GOT2: variants seen among roughly 807,000 people sequenced by gnomAD.
The protein encoded by GOT2 is aspartate aminotransferase, mitochondrial.
Under a neutral mutation model 50.0 loss-of-function variants are expected in GOT2, and 17 were observed. The observed-to-expected ratio is 0.34, with a 90% CI of 0.23 to 0.51. GOT2 has a LOEUF of 0.51. Among genes scored for constraint, GOT2 ranks in the 20% least tolerant of loss-of-function variants. The pLI, the probability that GOT2 is intolerant of heterozygous loss-of-function variation, is 0.97. For synonymous variants in GOT2, 172 were observed against 204.9 expected (o/e 0.84, Z 1.37); for missense variants, 430 against 559.6 (o/e 0.77, Z 2.34).
chr16:58,716,584 AC>A, intron 7 of GOT2, 78 bp downstream of exon 7: 11 of 1,204,292 alleles, frequency 9.1e-6, no homozygotes, highest in African/African-American at 6.2e-5. Context: ...ACACACACAC[AC>A]ACACCCACAA....
intron 8 of GOT2, among the ~76,000 whole-genome samples, chr16:58,712,203 TTC>T (rs2044654583): frequency 6.6e-6 from 1 of 152,152 alleles, no homozygotes; most frequent in African/African-American, 2.4e-5. Flanking sequence ...ATTTATTCCA[TTC>T]TGTCTTATAT....
intron 8 of GOT2, among the ~76,000 whole-genome samples, chr16:58,715,415 G>A (rs2044683915): frequency 6.6e-6 from 1 of 152,130 alleles, no homozygotes; most frequent in South Asian, 2.1e-4. Flanking sequence ...GGTTCAAAGT[G>A]CTAACAAATA....
intron 1 of GOT2, among the ~76,000 whole-genome samples, chr16:58,726,572 G>A (rs1206969645): frequency 1.3e-5 from 2 of 151,412 alleles, no homozygotes; most frequent in Non-Finnish European, 2.9e-5. Context: ...GTGGCTCACT[G>A]CAACCTGTCT....
intron 3 of GOT2, 94 bp downstream of exon 3, chr16:58,722,056 A>T: frequency 7.2e-7 from 1 of 1,386,278 alleles, no homozygotes; most frequent in Non-Finnish European, 1.0e-6. Flanking sequence ...GTGGGATTAC[A>T]GGCGTGAGCC....
In GOT2 at chr16:58,708,010, T is replaced by A; in HGVS notation, c.*161A>T. On this transcript the variant is annotated 3_prime_UTR_variant, in exon 10 of 10. Transcript: ENST00000245206. ...GATGCCTCTGCCCTGTGTCACTACA[T>A]GTTCTTTTCTGAGAAACATTCAAAT... 1.5e-6 allele frequency: 1 copy of A among 646,650 alleles called. No homozygotes were observed. The highest frequency in any genetic ancestry group is 2.5e-6 in the Non-Finnish European group (1 of 398,498). The allele number at this position is 646,650 out of a possible 1,614,324, so 40.1% of individuals were successfully genotyped here.
chr16:58,714,260 T>C (rs776571105), intron 8 of GOT2, among the ~76,000 whole-genome samples: 1 of 151,738 alleles, frequency 6.6e-6, no homozygotes, highest in Non-Finnish European at 1.5e-5. Flanking sequence ...TAGAAAATAT[T>C]GGAGTGGAGG....
At chr16:58,711,586 C>T (rs1458250325) in intron 8 of GOT2, among the ~76,000 whole-genome samples, 4 of 152,184 alleles carry the variant, frequency 2.6e-5, no homozygotes, top group African/African-American at 9.7e-5. Context: ...TTTACTTCAC[C>T]CAGTGAAACG....
At chr16:58,734,035 G>T in intron 1 of GOT2, 105 bp downstream of exon 1, 1 of 500,470 alleles carries the variant, frequency 2.0e-6, no homozygotes, top group South Asian at 9.0e-5. Flanking sequence ...GCGTGTGAGT[G>T]ACAGTGTGTA....
intron 8 of GOT2, among the ~76,000 whole-genome samples, chr16:58,710,535 TC>T (rs2044638366): frequency 6.6e-6 from 1 of 152,060 alleles, no homozygotes; most frequent in Non-Finnish European, 1.5e-5. Flanking sequence ...TAAATGCATT[TC>T]TGACTTATGA....
chr16:58,722,232 G>T lies in GOT2; in HGVS notation c.293C>A (p.Pro98His), dbSNP rs928005876. The T allele has an allele frequency of 6.2e-7, 1 of 1,612,980 alleles. No individual in the cohort carries two copies. Among genetic ancestry groups the T allele is most frequent in the Non-Finnish European group, 8.5e-7 (1 of 1,179,774 alleles). ...GCAAAATTCAGCCAGTCCCCCAATG[G>T]GCAGGTATTCCTTGTCCAAATTTTT... ...AAKNLDKEYL[P>H]IGGLAEFCKA... The change falls in exon 3 of 10, where the codon CCC becomes CAC. Residue 98 changes from proline to histidine, a missense_variant. Coordinates refer to ENST00000245206, the MANE Select transcript of GOT2 (RefSeq NM_002080.4).
intron 9 of GOT2, among the ~76,000 whole-genome samples, chr16:58,708,650 G>A (rs1395294296): frequency 1.3e-5 from 2 of 151,630 alleles, no homozygotes; most frequent in Non-Finnish European, 2.9e-5. Context: ...CTACTTTAAA[G>A]TAGGATGATG....
intron 8 of GOT2, among the ~76,000 whole-genome samples, chr16:58,714,205 T>C (rs1041962538): frequency 2.0e-5 from 3 of 151,978 alleles, no homozygotes; most frequent in East Asian, 3.9e-4. Context: ...CCACCTTACC[T>C]GGCTTAGTAT....
intron 9 of GOT2, 99 bp downstream of exon 9, chr16:58,709,318 G>GA: frequency 1.9e-6 from 2 of 1,047,006 alleles, no homozygotes; most frequent in Non-Finnish European, 2.7e-6. Flanking sequence ...CAAAAAACCC[G>GA]AAAACATTAA....
chr16:58,734,181 G>T lies in GOT2; in HGVS notation c.48C>A (p.Ala16=). The T allele has an allele frequency of 7.5e-7, 1 of 1,336,588 alleles. No homozygotes were observed. 82.8% of individuals were successfully genotyped at this position (1,336,588 alleles called of 1,614,324 possible). The change falls in exon 1 of 10, where the codon GCC becomes GCA. Residue 16 remains alanine (A), a synonymous_variant. Transcript: ENST00000245206. ...CCGCGGCGGCGAGGCCCGGGTGGAA[G>T]GCGGCGGCGATCCCGGGGAGGACGC... is the stretch of plus-strand genomic sequence containing the variant. ...SGRVLPGIAA[A]FHPGLAAAAS...
intron 3 of GOT2, 52 bp downstream of exon 3, chr16:58,722,098 T>C (rs1642791128): frequency 1.3e-6 from 2 of 1,597,666 alleles, no homozygotes; most frequent in Non-Finnish European, 1.7e-6. Flanking sequence ...TTTAAATAAT[T>C]ACAAATTTGT....
At chr16:58,729,196 G>A (rs1451889668) in intron 1 of GOT2, among the ~76,000 whole-genome samples, 1 of 151,246 alleles carries the variant, frequency 6.6e-6, no homozygotes, top group African/African-American at 2.4e-5. Flanking sequence ...CTTCTGAACT[G>A]GGCCTGAAGA....
intron 1 of GOT2, among the ~76,000 whole-genome samples, chr16:58,730,133 C>T (rs1362987503): frequency 1.3e-5 from 2 of 152,106 alleles, no homozygotes; most frequent in Non-Finnish European, 2.9e-5. Context: ...TTTATGGAGA[C>T]ATTTCTGTTT....
rs1711743558 is a variant in GOT2 at position 58,707,504 on chromosome 16, TC to T, written c.*666del. The T allele has an allele frequency of 6.6e-6, 1 of 152,104 alleles. No individual in the cohort carries two copies. The allele number at this position is 152,104 out of a possible 1,614,324, so 9.4% of individuals were successfully genotyped here. On this transcript the variant is annotated 3_prime_UTR_variant, in exon 10 of 10. Coordinates refer to ENST00000245206, the MANE Select transcript of GOT2 (RefSeq NM_002080.4). ...TATGTTCTTCATTCTTAAATAAATC[TC>T]GATAGGATGGAGTTGATGGTCAATC...
In GOT2 at chr16:58,720,737, C is replaced by T. The variant is rs561496369; in HGVS notation, c.375+1413G>A. ...GAGACTACAGGCGTGCACCACCACA[C>T]CTGGCTAATTTTTGTATTTTTAGTA... On this transcript the variant is annotated intron_variant, in intron 3 of 9. Transcript: ENST00000245206. Among the ~76,000 whole-genome samples the T allele has an allele frequency of 1.8e-3, 269 of 152,092 alleles. 2 individuals carry two copies. The highest frequency in any genetic ancestry group is 1.0e-2 in the South Asian group (48 of 4,802).
Sources: gnomAD v4.1 joint callset for allele counts (sites outside exome capture counted in the v4.1 genomes callset) on GRCh38, gnomAD v4.1.1 for gene constraint, MANE v1.5 for transcripts, NCBI Gene and HGNC (gene_info 2026-07-23, HGNC 2026-07-21) for gene names.